Variants in ZFAND3 observed in about 807,000 individuals in gnomAD.
The protein encoded by ZFAND3 is AN1-type zinc finger protein 3.
A neutral mutation model predicts 29.6 loss-of-function variants in ZFAND3; 10 were observed. The ratio of observed to expected loss-of-function variants is 0.34; its 90% CI spans 0.21 to 0.57. The LOEUF is 0.57. ZFAND3 is among the 20% of genes least tolerant of loss of function. The pLI is 0.86. For synonymous variants in ZFAND3, 128 were observed against 112.6 expected (o/e 1.14, Z -0.87); for missense variants, 230 against 304.5 (o/e 0.76, Z 1.82).
intron 1 of ZFAND3, among the ~76,000 whole-genome samples, chr6:37,823,213 G>A (rs903427274): frequency 6.6e-6 from 1 of 152,142 alleles, no homozygotes; most frequent in Non-Finnish European, 1.5e-5. Flanking sequence ...TAATGCCTGG[G>A]GAGAATAGAG....
intron 2 of ZFAND3, among the ~76,000 whole-genome samples, chr6:37,999,889 C>T (rs568936759): frequency 3.9e-5 from 6 of 152,168 alleles, no homozygotes; most frequent in South Asian, 2.1e-4. Flanking sequence ...ATATACCATA[C>T]TAGTGTAAGA....
chr6:38,098,677 A>C (rs1211538740), intron 4 of ZFAND3, among the ~76,000 whole-genome samples: 1 of 150,590 alleles, frequency 6.6e-6, no homozygotes, highest in Non-Finnish European at 1.5e-5. Flanking sequence ...ATTTTTTTTT[A>C]TTTTTAGTAG....
intron 1 of ZFAND3, among the ~76,000 whole-genome samples, chr6:37,844,885 G>T (rs941655940): frequency 6.6e-6 from 1 of 151,262 alleles, no homozygotes; most frequent in Non-Finnish European, 1.5e-5. Flanking sequence ...TTAGCCAGGC[G>T]TTGTGGCGGG....
chr6:38,070,875 T>A (rs910826959), intron 3 of ZFAND3, among the ~76,000 whole-genome samples: 4 of 152,058 alleles, frequency 2.6e-5, no homozygotes, highest in Non-Finnish European at 5.9e-5. Context: ...TCTTTTTTTT[T>A]AATAAGTTGG....
At chr6:38,142,297 G>A (rs1195370272) in intron 5 of ZFAND3, 2 of 471,436 alleles carry the variant, frequency 4.2e-6, no homozygotes. Context: ...TTTATAGTCT[G>A]ATGCCCCCTG....
At chr6:38,001,206 ACTTT>A (rs1350478686) in intron 2 of ZFAND3, among the ~76,000 whole-genome samples, 1 of 152,210 alleles carries the variant, frequency 6.6e-6, no homozygotes, top group Admixed American at 6.5e-5. Flanking sequence ...TAAATAAGTT[ACTTT>A]CTCTTGACCT....
At position 38,038,316 on chromosome 6, in the gene ZFAND3, G is replaced by A. The variant is rs189497895; in HGVS notation, c.113-23277G>A. On this transcript the variant is annotated intron_variant, in intron 2 of 5. Transcript: ENST00000287218. Reference sequence around the variant, plus strand: ...AGGCAGAGATGATGGATGCAGTGCAGCCTTTTGATTGCAATTAAAAAGGAG... The same window carrying A: ...AGGCAGAGATGATGGATGCAGTGCAACCTTTTGATTGCAATTAAAAAGGAG... Among the ~76,000 whole-genome samples the A allele has an allele frequency of 2.6e-5, 4 of 152,284 alleles. No individual in the cohort carries two copies. The East Asian group carries it at 7.7e-4, about 29-fold the overall frequency.
chr6:37,874,378 G>A (rs1357934184), intron 1 of ZFAND3, among the ~76,000 whole-genome samples: 3 of 152,124 alleles, frequency 2.0e-5, no homozygotes, highest in Non-Finnish European at 4.4e-5. Context: ...AGCTGGGTGT[G>A]GTGGCGCATG....
At chr6:37,933,598 C>A (rs1205847594) in intron 2 of ZFAND3, among the ~76,000 whole-genome samples, 2 of 152,184 alleles carry the variant, frequency 1.3e-5, no homozygotes, top group African/African-American at 4.8e-5. Flanking sequence ...TGCTGGTAAA[C>A]TATATACCAA....
chr6:38,021,817 C>T (rs1347349125), intron 2 of ZFAND3, among the ~76,000 whole-genome samples: 2 of 152,138 alleles, frequency 1.3e-5, no homozygotes, highest in Non-Finnish European at 2.9e-5. Context: ...AGCAAGTGCC[C>T]CTGTTTTCTG....
intron 5 of ZFAND3, among the ~76,000 whole-genome samples, chr6:38,137,932 T>C (rs1765873739): frequency 6.6e-6 from 1 of 152,144 alleles, no homozygotes; most frequent in South Asian, 2.1e-4. Flanking sequence ...TTGCATGTCT[T>C]TGCAAAGAAT....
intron 5 of ZFAND3, among the ~76,000 whole-genome samples, chr6:38,151,256 G>T (rs776080935): frequency 6.6e-6 from 1 of 152,170 alleles, no homozygotes; most frequent in African/African-American, 2.4e-5. Context: ...CTCCCTGCTC[G>T]ATAGGCCTCT....
chr6:38,057,642 C>G (rs1324018752), intron 2 of ZFAND3, among the ~76,000 whole-genome samples: 1 of 152,094 alleles, frequency 6.6e-6, no homozygotes, highest in Non-Finnish European at 1.5e-5. Flanking sequence ...AGTAAATAGC[C>G]AGGTCAGGAT....
chr6:37,975,069 T>A (rs1213653959), intron 2 of ZFAND3, among the ~76,000 whole-genome samples: 2 of 152,244 alleles, frequency 1.3e-5, no homozygotes, highest in Non-Finnish European at 2.9e-5. Context: ...TGCCAAACTT[T>A]TCCAAAGTGG....
intron 1 of ZFAND3, among the ~76,000 whole-genome samples, chr6:37,867,160 C>T (rs1230070175): frequency 6.6e-6 from 1 of 152,126 alleles, no homozygotes; most frequent in Non-Finnish European, 1.5e-5. Flanking sequence ...GTTCTGTAAG[C>T]ATTATTTGAA....
chr6:37,845,566 T>TA (rs1764163358), intron 1 of ZFAND3, among the ~76,000 whole-genome samples: 1 of 152,146 alleles, frequency 6.6e-6, no homozygotes, highest in African/African-American at 2.4e-5. Context: ...AGAACTAACT[T>TA]GTTTTATTGC....
Position 37,895,459 on chromosome 6 carries a change from C to CTT in ZFAND3, c.72-34478_72-34477dup, listed in dbSNP as rs11331881. Among the ~76,000 whole-genome samples the CTT allele has an allele frequency of 1.6e-3, 122 of 76,742 alleles. 1 individual carries two copies. The highest frequency in any genetic ancestry group is 3.4e-3 in the African/African-American group (65 of 19,350). 50.3% of individuals were successfully genotyped at this position (76,742 alleles called of 152,430 possible). ...AAGTGATTCTCCTGCCTCAGAGGTT[C>CTT]TTTTTTTTTTTTTTTTTTTTTTTAT... On this transcript the variant is annotated intron_variant, in intron 1 of 5. Transcript: ENST00000287218.
At chr6:38,035,613 C>T (rs542722463) in intron 2 of ZFAND3, among the ~76,000 whole-genome samples, 2 of 152,266 alleles carry the variant, frequency 1.3e-5, no homozygotes, top group South Asian at 2.1e-4. Flanking sequence ...ATGTAATTCT[C>T]TTATTGTACT....
At chr6:38,043,188 C>T (rs1466011465) in intron 2 of ZFAND3, among the ~76,000 whole-genome samples, 2 of 152,052 alleles carry the variant, frequency 1.3e-5, no homozygotes, top group Non-Finnish European at 2.9e-5. Context: ...TTTCTCTCAT[C>T]TCGTCTTGTC....
Sources: allele counts gnomAD v4.1 joint callset (sites outside exome capture counted in the v4.1 genomes callset), GRCh38; gene constraint gnomAD v4.1.1; transcripts MANE v1.5; gene names NCBI Gene and HGNC (gene_info 2026-07-23, HGNC 2026-07-21).